DOCK9: variants seen among roughly 807,000 people sequenced by gnomAD.
DOCK9 encodes the protein dedicator of cytokinesis protein 9.
DOCK9 carries 89 observed loss-of-function variants against 263.3 expected under a neutral mutation model. That is an observed-to-expected ratio of 0.34 (90% CI 0.28 to 0.40). The LOEUF is 0.40. Among genes scored for constraint, DOCK9 ranks in the 10% least tolerant of loss-of-function variants. The pLI is 1.00. For synonymous variants in DOCK9, 976 were observed against 973.1 expected (o/e 1.00, Z -0.06); for missense variants, 2,140 against 2,603.4 (o/e 0.82, Z 3.87).
At chr13:98,870,589 G>A (rs1270585847) in intron 27 of DOCK9, among the ~76,000 whole-genome samples, 3 of 152,126 alleles carry the variant, frequency 2.0e-5, no homozygotes, top group African/African-American at 7.2e-5. Flanking sequence ...AAAGTAGATG[G>A]AGAACTCTAT....
chr13:98,846,613 G>C, intron 37 of DOCK9: 1 of 1,264,656 alleles, frequency 7.9e-7, no homozygotes, highest in Admixed American at 1.9e-5. Context: ...CAATCAAACA[G>C]CTAACTTCCT....
intron 27 of DOCK9, among the ~76,000 whole-genome samples, chr13:98,875,850 G>C (rs2043743360): frequency 6.6e-6 from 1 of 152,148 alleles, no homozygotes; most frequent in Admixed American, 6.5e-5. Context: ...CTAGTTCGAA[G>C]GGGTTCTGAT....
chr13:99,038,288 CTTTTTTT>C (rs71419743), intron 1 of DOCK9, among the ~76,000 whole-genome samples: 27,110 of 86,890 alleles, frequency 0.31, 4,571 homozygotes, highest in South Asian at 0.47. Context: ...TTATGCCCCC[CTTTTTTT>C]TTTTTTTTTT....
intron 1 of DOCK9, among the ~76,000 whole-genome samples, chr13:98,955,935 G>A (rs1442315980): frequency 6.6e-6 from 1 of 152,224 alleles, no homozygotes; most frequent in African/African-American, 2.4e-5. Flanking sequence ...CTCCAGCCAC[G>A]ATACCATCCC....
chr13:99,023,656 T>A (rs1027247275), intron 1 of DOCK9, among the ~76,000 whole-genome samples: 1 of 152,232 alleles, frequency 6.6e-6, no homozygotes, highest in Admixed American at 6.5e-5. Flanking sequence ...TCTTTCCATA[T>A]TTTTTAAAAA....
intron 47 of DOCK9, among the ~76,000 whole-genome samples, chr13:98,808,203 A>C (rs1338744904): frequency 6.6e-6 from 1 of 152,216 alleles, no homozygotes; most frequent in Non-Finnish European, 1.5e-5. Context: ...GATGGCTCCC[A>C]TGCACACAGG....
chr13:99,028,619 G>A (rs1887025150), intron 1 of DOCK9, among the ~76,000 whole-genome samples: 1 of 152,126 alleles, frequency 6.6e-6, no homozygotes, highest in Admixed American at 6.5e-5. Flanking sequence ...TACAAACATT[G>A]TTGAAACTTA....
At chr13:98,981,160 A>G, upstream of DOCK9, among the ~76,000 whole-genome samples, 1 of 151,594 alleles carries the variant, frequency 6.6e-6, no homozygotes, top group Non-Finnish European at 1.5e-5. Context: ...GGGCTCATGC[A>G]ATCCTCCCAT....
In DOCK9 at chr13:98,969,396, T is replaced by C. The variant is rs551394492; in HGVS notation, c.126+8388A>G. Among the ~76,000 whole-genome samples the C allele has an allele frequency of 5.3e-5, 8 of 152,118 alleles. No homozygotes were observed. The East Asian group carries it at 1.5e-3, about 29-fold the overall frequency. Reference sequence around the variant, plus strand: ...GATCTAGTCTTTCCTGCAGGCCCTTTCGCAACCTTTTTTTGCCTATACATT... The same window carrying C: ...GATCTAGTCTTTCCTGCAGGCCCTTCCGCAACCTTTTTTTGCCTATACATT... On this transcript the variant is annotated intron_variant, in intron 1 of 52. Transcript: ENST00000682017.
intron 15 of DOCK9, among the ~76,000 whole-genome samples, chr13:98,895,253 T>A (rs1482575526): frequency 4.6e-5 from 7 of 152,052 alleles, no homozygotes; most frequent in Non-Finnish European, 1.0e-4. Flanking sequence ...TATAAAAATG[T>A]ATATATAACA....
chr13:98,870,055 A>G (rs1230677580), intron 27 of DOCK9, among the ~76,000 whole-genome samples: 8 of 152,212 alleles, frequency 5.3e-5, no homozygotes, highest in Admixed American at 6.5e-5. Flanking sequence ...AATTTAAACC[A>G]CTATTATTAT....
chr13:99,002,259 C>T (rs533821310), intron 1 of DOCK9, among the ~76,000 whole-genome samples: 1 of 152,234 alleles, frequency 6.6e-6, no homozygotes, highest in South Asian at 2.1e-4. Context: ...GATTCTGATC[C>T]CACTCTGATG....
intron 1 of DOCK9, among the ~76,000 whole-genome samples, chr13:99,011,675 C>T (rs1294828792): frequency 1.3e-5 from 2 of 152,186 alleles, no homozygotes; most frequent in Non-Finnish European, 2.9e-5. Context: ...CCCTATGAGG[C>T]AAGTACCATT....
At chr13:98,954,767 G>A (rs1183685368) in intron 2 of DOCK9, among the ~76,000 whole-genome samples, 4 of 151,720 alleles carry the variant, frequency 2.6e-5, no homozygotes, top group Admixed American at 1.3e-4. Context: ...TAAGGTACTT[G>A]GCCAAAAAAT....
intron 1 of DOCK9, among the ~76,000 whole-genome samples, chr13:98,972,160 G>A (rs1361405918): frequency 8.5e-5 from 13 of 152,162 alleles, no homozygotes; most frequent in African/African-American, 1.4e-4. Context: ...CAGTTTCCTC[G>A]TCTGAAAAAG....
upstream of DOCK9, among the ~76,000 whole-genome samples, chr13:98,982,905 TAAAACTAAAGTTTTA>T (rs138875012): frequency 0.34 from 51,352 of 152,086 alleles, 9,083 homozygotes; most frequent in African/African-American, 0.45. Flanking sequence ...TTGAAAACAG[TAAAACTAAAGTTTTA>T]AAATGTACAA....
chr13:98,905,005 T>C (rs1387686664), intron 9 of DOCK9, among the ~76,000 whole-genome samples: 4 of 152,128 alleles, frequency 2.6e-5, no homozygotes, highest in Non-Finnish European at 5.9e-5. Flanking sequence ...AAAGGCTTCA[T>C]AAAGTAATGG....
chr13:98,846,806 G>T, intron 37 of DOCK9: 1 of 354,014 alleles, frequency 2.8e-6, no homozygotes, highest in South Asian at 2.1e-5. Flanking sequence ...AAGGCACAGT[G>T]TTCATCAAAC....
intron 9 of DOCK9, 35 bp downstream of exon 9, chr13:98,914,293 T>G: frequency 6.4e-7 from 1 of 1,568,834 alleles, no homozygotes; most frequent in Non-Finnish European, 8.7e-7. Context: ...TTCAACAGCA[T>G]TCAACGAAGA....
Sources: allele counts gnomAD v4.1 joint callset (sites outside exome capture counted in the v4.1 genomes callset), GRCh38; gene constraint gnomAD v4.1.1; transcripts MANE v1.5; gene names NCBI Gene and HGNC (gene_info 2026-07-23, HGNC 2026-07-21).